OCA2: variants seen among roughly 807,000 people sequenced by gnomAD.
OCA2 encodes P protein.
In OCA2, 77 loss-of-function variants were observed where a neutral mutation model predicts 100.2. The ratio of observed to expected loss-of-function variants is 0.77; its 90% CI spans 0.64 to 0.93. The LOEUF (loss-of-function observed/expected upper bound fraction) is 0.93, where lower values mean the gene tolerates loss of function less well. Among genes scored for constraint, OCA2 ranks in the 40% least tolerant of loss-of-function variants. The probability of loss-of-function intolerance (pLI) is 0.00; values close to 1 mark genes in which losing one functional copy is unlikely to be tolerated. For missense variants in OCA2, 1,062 were observed against 1,089.1 expected (o/e 0.98, Z 0.35); for synonymous variants, 432 against 439.2 (o/e 0.98, Z 0.21).
chr15:27,999,992 A>G (rs2041877252), intron 9 of OCA2, among the ~76,000 whole-genome samples: 1 of 152,202 alleles, frequency 6.6e-6, no homozygotes, highest in Admixed American at 6.5e-5. Context: ...AAGATATCCC[A>G]TGTTCCTGGT....
At chr15:27,945,707 C>T (rs546697028) in intron 18 of OCA2, among the ~76,000 whole-genome samples, 2 of 152,222 alleles carry the variant, frequency 1.3e-5, no homozygotes, top group South Asian at 4.1e-4. Flanking sequence ...AGGGAGAAGA[C>T]CAGCAATTTC....
At chr15:27,753,419 G>A (rs547706708), downstream of OCA2, among the ~76,000 whole-genome samples, 20 of 152,142 alleles carry the variant, frequency 1.3e-4, 1 homozygote, top group Admixed American at 3.9e-4. Context: ...AAATGAGCCC[G>A]GAGCTAATGG....
At chr15:27,853,830 T>C (rs1025839897) in intron 21 of OCA2, among the ~76,000 whole-genome samples, 1 of 152,108 alleles carries the variant, frequency 6.6e-6, no homozygotes, top group Non-Finnish European at 1.5e-5. Context: ...GCACCAATGG[T>C]GGCTGATCTG....
intron 19 of OCA2, among the ~76,000 whole-genome samples, chr15:27,913,861 A>AAGAAAGAAAGAAAG (rs2038514425): frequency 8.4e-5 from 4 of 47,584 alleles, no homozygotes; most frequent in African/African-American, 4.1e-4. Context: ...GAAAGAAAGA[A>AAGAAAGAAAGAAAG]AGAAAGAAAG....
intron 23 of OCA2, among the ~76,000 whole-genome samples, chr15:27,820,736 C>T (rs1209048404): frequency 6.6e-6 from 1 of 152,302 alleles, no homozygotes. Context: ...TATTCAAAAA[C>T]GGCCTCAAGT....
chr15:27,817,951 G>C (rs2034366148), intron 23 of OCA2, among the ~76,000 whole-genome samples: 1 of 152,182 alleles, frequency 6.6e-6, no homozygotes, highest in Admixed American at 6.5e-5. Flanking sequence ...ATTAGGAAAG[G>C]TGATTCAGAA....
intron 21 of OCA2, among the ~76,000 whole-genome samples, chr15:27,852,070 TC>T (rs1475793149): frequency 3.3e-5 from 5 of 152,152 alleles, no homozygotes; most frequent in Admixed American, 2.0e-4. Context: ...GGTACCAGAT[TC>T]TACAGCCAGG....
chr15:27,748,037 C>T, the OCA2 span, among the ~76,000 whole-genome samples: 1 of 152,172 alleles, frequency 6.6e-6, no homozygotes, highest in African/African-American at 2.4e-5. Flanking sequence ...TTATTCCTGG[C>T]CCAGCCTAGC....
chr15:27,995,538 G>T (rs972563488), intron 9 of OCA2, among the ~76,000 whole-genome samples: 12 of 147,828 alleles, frequency 8.1e-5, no homozygotes, highest in Non-Finnish European at 4.5e-5. Flanking sequence ...GACTACAAGT[G>T]TACACCACCA....
At chr15:27,804,200 C>G (rs1285433663) in intron 23 of OCA2, among the ~76,000 whole-genome samples, 1 of 152,168 alleles carries the variant, frequency 6.6e-6, no homozygotes, top group Non-Finnish European at 1.5e-5. Flanking sequence ...CGCTAACAAA[C>G]CACAAGTACA....
intron 23 of OCA2, among the ~76,000 whole-genome samples, chr15:27,805,736 C>G (rs2033813403): frequency 6.6e-6 from 1 of 152,156 alleles, no homozygotes; most frequent in Non-Finnish European, 1.5e-5. Flanking sequence ...CAGAGGTGCA[C>G]AGTGAGCGCT....
the OCA2 span, among the ~76,000 whole-genome samples, chr15:27,736,561 A>G: frequency 6.6e-6 from 1 of 152,202 alleles, no homozygotes; most frequent in South Asian, 2.1e-4. Context: ...ATTCTTATAA[A>G]AGGACTTATT....
intron 23 of OCA2, among the ~76,000 whole-genome samples, chr15:27,767,144 T>C (rs1383746903): frequency 6.6e-6 from 1 of 152,172 alleles, no homozygotes; most frequent in Non-Finnish European, 1.5e-5. Context: ...CAAATTAGTT[T>C]CCTCTAGGAT....
chr15:27,752,438 G>A (rs148000751), downstream of OCA2, among the ~76,000 whole-genome samples: 381 of 152,264 alleles, frequency 2.5e-3, 6 homozygotes, highest in Admixed American at 0.02. Context: ...GCAAGCTCGC[G>A]TGGTCTCTTG....
At chr15:27,721,086 T>C in the OCA2 span, among the ~76,000 whole-genome samples, 1 of 152,258 alleles carries the variant, frequency 6.6e-6, no homozygotes, top group Admixed American at 6.5e-5. Flanking sequence ...CTGGCTTTAA[T>C]ACTTTAAATA....
chr15:27,781,729 T>C (rs1337019182), intron 23 of OCA2, among the ~76,000 whole-genome samples: 2 of 152,212 alleles, frequency 1.3e-5, no homozygotes, highest in Admixed American at 1.3e-4. Context: ...AGAAAGTAAA[T>C]AGCATATCAG....
At chr15:27,777,551 A>T (rs1001148424) in intron 23 of OCA2, among the ~76,000 whole-genome samples, 1 of 152,154 alleles carries the variant, frequency 6.6e-6, no homozygotes, top group East Asian at 1.9e-4. Context: ...TTATAATCTC[A>T]TTATCCTAAC....
At chr15:27,919,595 T>C (rs888899049) in intron 19 of OCA2, among the ~76,000 whole-genome samples, 3 of 152,046 alleles carry the variant, frequency 2.0e-5, no homozygotes, top group Non-Finnish European at 4.4e-5. Context: ...AGGAATAAGA[T>C]CAGTGATTTC....
chr15:27,776,575 GC>G (rs1034579058), intron 23 of OCA2: 2 of 152,238 alleles, frequency 1.3e-5, no homozygotes, highest in African/African-American at 4.8e-5. Context: ...CTCCGTGGCC[GC>G]CCTCCCCATG....
Sources: allele counts gnomAD v4.1 joint callset (sites outside exome capture counted in the v4.1 genomes callset), GRCh38; gene constraint gnomAD v4.1.1; transcripts MANE v1.5; gene names NCBI Gene and HGNC (gene_info 2026-07-23, HGNC 2026-07-21).